DLG2: variants seen among roughly 807,000 people sequenced by gnomAD.
The protein encoded by DLG2 is discs large MAGUK scaffold protein 2.
DLG2 carries 45 observed loss-of-function variants against 132.5 expected under a neutral mutation model. The observed-to-expected ratio is 0.34, with a 90% CI of 0.27 to 0.44. DLG2 has a LOEUF of 0.44. Ranked by LOEUF, DLG2 falls within the 20% of genes least tolerant of loss-of-function variation. The pLI is 1.00. For missense variants in DLG2, 1,045 were observed against 1,196.9 expected, an observed-to-expected ratio of 0.87 and a Z score of 1.87; for synonymous variants, 424 against 419.6, an observed-to-expected ratio of 1.01 and a Z score of -0.13.
At chr11:84,080,414 G>A (rs2096886137) in intron 10 of DLG2, among the ~76,000 whole-genome samples, 1 of 152,152 alleles carries the variant, frequency 6.6e-6, no homozygotes, top group African/African-American at 2.4e-5. Context: ...AGGTTTGCAA[G>A]TTTGATGCTG....
chr11:83,786,416 A>G (rs1489310930), intron 18 of DLG2: 1 of 386,756 alleles, frequency 2.6e-6, no homozygotes, highest in South Asian at 3.2e-5. Flanking sequence ...TGTGTACCAC[A>G]TAAGAATATA....
chr11:84,348,808 T>C (rs373739114), intron 7 of DLG2, among the ~76,000 whole-genome samples: 2 of 152,246 alleles, frequency 1.3e-5, no homozygotes, highest in African/African-American at 4.8e-5. Flanking sequence ...GATATCACCA[T>C]ATGAAGACAA....
At chr11:84,240,044 G>A (rs1471690248) in intron 8 of DLG2, among the ~76,000 whole-genome samples, 1 of 152,164 alleles carries the variant, frequency 6.6e-6, no homozygotes, top group African/African-American at 2.4e-5. Context: ...ATCTAGGAAT[G>A]GCTTTGTGCC....
chr11:84,986,596 C>A (rs990051004), intron 6 of DLG2, among the ~76,000 whole-genome samples: 1 of 152,210 alleles, frequency 6.6e-6, no homozygotes. Context: ...GGGTTTCATA[C>A]CAGGGATCCA....
intron 7 of DLG2, among the ~76,000 whole-genome samples, chr11:84,526,927 C>T (rs1012857434): frequency 7.9e-5 from 12 of 151,978 alleles, no homozygotes; most frequent in African/African-American, 2.4e-4. Context: ...TACAGGCATC[C>T]GCCACCACGC....
chr11:84,183,847 T>C (rs760101923), intron 8 of DLG2, among the ~76,000 whole-genome samples: 9 of 152,196 alleles, frequency 5.9e-5, no homozygotes, highest in Non-Finnish European at 1.3e-4. Context: ...GTCCTTGTGA[T>C]AGTTTGCTGA....
intron 19 of DLG2, among the ~76,000 whole-genome samples, chr11:83,564,348 G>A (rs376770932): frequency 2.6e-5 from 4 of 152,130 alleles, no homozygotes; most frequent in Admixed American, 6.5e-5. Flanking sequence ...AATGGGGGGG[G>A]TCAGGAGCCC....
At chr11:85,049,587 A>T (rs773902441) in intron 6 of DLG2, among the ~76,000 whole-genome samples, 1 of 152,134 alleles carries the variant, frequency 6.6e-6, no homozygotes, top group Non-Finnish European at 1.5e-5. Context: ...TAAACATGTG[A>T]TAATAGCTGA....
rs34851864 is a variant in DLG2, at chr11:84,640,952, C to CAA, written c.358-106223_358-106222dup. Among the ~76,000 whole-genome samples the CAA allele has an allele frequency of 7.6e-4, 65 of 85,420 alleles. 1 individual carries two copies. Among genetic ancestry groups the CAA allele is most frequent in the East Asian group, 1.7e-3 (5 of 2,860 alleles). 56.0% of individuals were successfully genotyped at this position (85,420 alleles called of 152,430 possible). A position where few individuals can be genotyped will look rare whatever the true frequency, so the allele number is the denominator to read the frequency against. ...AAGACTCTGTCTCAAAACAAACAAA[C>CAA]AAAAAAAAAAAACAAAAAAAAAACA... On this transcript the variant is annotated intron_variant, in intron 6 of 27. Transcript: ENST00000376104.
intron 16 of DLG2, among the ~76,000 whole-genome samples, chr11:83,872,415 T>C (rs1595741526): frequency 6.6e-6 from 1 of 152,174 alleles, no homozygotes; most frequent in African/African-American, 2.4e-5. Context: ...TCCATTCTTA[T>C]AGGGAATAGA....
intron 7 of DLG2, among the ~76,000 whole-genome samples, chr11:84,531,233 C>A (rs933896764): frequency 3.9e-5 from 6 of 152,140 alleles, no homozygotes; most frequent in African/African-American, 1.4e-4. Context: ...AACAGAAAAC[C>A]AAATACTGCA....
At chr11:83,901,718 G>T (rs75739950) in intron 15 of DLG2, among the ~76,000 whole-genome samples, 1 of 151,998 alleles carries the variant, frequency 6.6e-6, no homozygotes, top group African/African-American at 2.4e-5. Flanking sequence ...TCCATCTGAC[G>T]GTACTAATAC....
At chr11:83,863,051 G>A (rs1202591327) in intron 16 of DLG2, among the ~76,000 whole-genome samples, 1 of 152,120 alleles carries the variant, frequency 6.6e-6, no homozygotes, top group Non-Finnish European at 1.5e-5. Flanking sequence ...TGTTATATAG[G>A]CAATCAAGAA....
rs573661027 is a variant in DLG2 at position 83,648,105 on chromosome 11, T to C, written c.1826-14780A>G. ...ATCCATTTACAGCAAGTGCTGGGGATAGAAATTAAGGTTTAAACATATAAT... is the reference window on the plus strand; with the variant it reads ...ATCCATTTACAGCAAGTGCTGGGGACAGAAATTAAGGTTTAAACATATAAT... On this transcript the variant is annotated intron_variant, in intron 18 of 27. Coordinates refer to ENST00000376104, the MANE Select transcript of DLG2 (RefSeq NM_001142699.3). 2.0e-5 allele frequency: 3 copies of C among 152,290 alleles called. No individual in the cohort carries two copies. In the East Asian group the frequency reaches 5.8e-4, roughly 29 times the overall value. The allele number at this position is 152,290 out of a possible 1,614,324, so 9.4% of individuals were successfully genotyped here.
intron 3 of DLG2, among the ~76,000 whole-genome samples, chr11:85,408,086 T>C (rs970886902): frequency 1.1e-4 from 16 of 151,436 alleles, no homozygotes; most frequent in Admixed American, 5.9e-4. Context: ...TTTTTTGTGT[T>C]CTGTATTTTA....
At chr11:84,472,673 G>A (rs1302352710) in intron 7 of DLG2, among the ~76,000 whole-genome samples, 1 of 151,700 alleles carries the variant, frequency 6.6e-6, no homozygotes, top group Non-Finnish European at 1.5e-5. Flanking sequence ...TCAAACTCTT[G>A]GTCTACTTCT....
intron 21 of DLG2, among the ~76,000 whole-genome samples, chr11:83,516,865 T>C (rs979840823): frequency 6.6e-6 from 1 of 152,266 alleles, no homozygotes; most frequent in African/African-American, 2.4e-5. Flanking sequence ...GTCTCTCTTC[T>C]GGCTTGTAGA....
At chr11:84,761,283 C>G (rs1437702822) in intron 6 of DLG2, among the ~76,000 whole-genome samples, 1 of 152,188 alleles carries the variant, frequency 6.6e-6, no homozygotes, top group African/African-American at 2.4e-5. Context: ...ATTGGTAAAC[C>G]TGTAACATTT....
In DLG2 at chr11:85,021,494, A is replaced by C. The variant is rs1017374299; in HGVS notation, c.357+90167T>G. ...TTTCTCTCATTAACATACTGAAAGA[A>C]GGCAAAGCCGTTATGAACAGAGGAG... On this transcript the variant is annotated intron_variant, in intron 6 of 27. Transcript: ENST00000376104. The C allele has an allele frequency of 3.4e-6, 5 of 1,467,662 alleles. No homozygotes were observed. In the African/African-American group the frequency reaches 5.6e-5, roughly 16 times the overall value. 90.9% of individuals were successfully genotyped at this position (1,467,662 alleles called of 1,614,324 possible).
Sources: gnomAD v4.1 joint callset for allele counts (sites outside exome capture counted in the v4.1 genomes callset) on GRCh38, gnomAD v4.1.1 for gene constraint, MANE v1.5 for transcripts, NCBI Gene and HGNC (gene_info 2026-07-23, HGNC 2026-07-21) for gene names.